YIPF1: variants seen among roughly 807,000 people sequenced by gnomAD.
The protein encoded by YIPF1 is Yip1 domain family member 1.
A neutral mutation model predicts 37.0 loss-of-function variants in YIPF1; 22 were observed. The ratio of observed to expected loss-of-function variants is 0.59; its 90% CI spans 0.42 to 0.85. The LOEUF is 0.85. Ranked by LOEUF, YIPF1 falls within the 40% of genes least tolerant of loss-of-function variation. The pLI, the probability that YIPF1 is intolerant of heterozygous loss-of-function variation, is 0.00. For synonymous variants in YIPF1, 128 were observed against 131.9 expected (o/e 0.97, Z 0.21); for missense variants, 355 against 373.1 (o/e 0.95, Z 0.40).
At chr1:53,886,512 A>T (rs1650655955) in intron 3 of YIPF1, among the ~76,000 whole-genome samples, 1 of 151,646 alleles carries the variant, frequency 6.6e-6, no homozygotes, top group African/African-American at 2.4e-5. Flanking sequence ...CTACTTTTTC[A>T]TCCAATACTA....
Position 53,860,042 on chromosome 1 carries a change from A to G in YIPF1, c.*8+14T>C. 3.1e-6 allele frequency: 5 copies of G among 1,613,252 alleles called. No individual in the cohort carries two copies. Among genetic ancestry groups the G allele is most frequent in the Non-Finnish European group, 4.2e-6 (5 of 1,179,296 alleles). On this transcript the variant is annotated intron_variant, in intron 10 of 10. Coordinates refer to ENST00000072644, the MANE Select transcript of YIPF1 (RefSeq NM_018982.5). ...TATGGCACCACACAGCAAAATAAAA[A>G]TAGAATCTCTTACTTTCCTCATTAG...
chr1:53,876,751 T>A (rs1415154806), intron 6 of YIPF1, among the ~76,000 whole-genome samples: 1 of 152,160 alleles, frequency 6.6e-6, no homozygotes, highest in Non-Finnish European at 1.5e-5. Context: ...AGTATCTCCC[T>A]CATGAAGTTG....
At chr1:53,864,385 C>T (rs1285460152) in intron 9 of YIPF1, among the ~76,000 whole-genome samples, 1 of 152,246 alleles carries the variant, frequency 6.6e-6, no homozygotes, top group Admixed American at 6.5e-5. Flanking sequence ...AACCAACAGG[C>T]CCGCCTTGAG....
chr1:53,866,265 G>A lies in YIPF1; in HGVS notation c.766C>T (p.Arg256Cys), dbSNP rs780910345. The A allele has an allele frequency of 2.2e-5, 35 of 1,614,024 alleles. No individual in the cohort carries two copies. The highest frequency in any genetic ancestry group is 1.1e-4 in the East Asian group (5 of 44,892). ...FWPAVREDNR[R>C]VALATIVTIV... ...GTCACAATTGTGGCCAATGCAACGC[G>A]TCGGTTATCCTCACGAACAGCTGGC... Residue 256 changes from arginine (R) to cysteine (C), a missense_variant, in exon 9 of 11, where the codon CGC becomes TGC. By Grantham distance (180) the Arg-to-Cys change is radical (BLOSUM62 -3). Coordinates refer to ENST00000072644, the MANE Select transcript of YIPF1 (RefSeq NM_018982.5).
chr1:53,886,307 T>C (rs950732750), intron 3 of YIPF1, among the ~76,000 whole-genome samples: 1 of 151,874 alleles, frequency 6.6e-6, no homozygotes, highest in Non-Finnish European at 1.5e-5. Context: ...CGTGTACCCC[T>C]AACATGACGA....
intron 6 of YIPF1, 52 bp downstream of exon 6, chr1:53,878,263 C>T (rs1337154300): frequency 3.8e-6 from 6 of 1,584,226 alleles, no homozygotes; most frequent in Non-Finnish European, 4.3e-6. Flanking sequence ...GCAACCCTCA[C>T]ACTCACCCAA....
chr1:53,873,879 T>C (rs1013884908), intron 6 of YIPF1, among the ~76,000 whole-genome samples: 4 of 152,122 alleles, frequency 2.6e-5, no homozygotes, highest in East Asian at 1.9e-4. Context: ...AAGATATGTA[T>C]ACTAATGTGA....
At chr1:53,866,720 G>C in intron 8 of YIPF1, 38 bp downstream of exon 8, 1 of 1,583,236 alleles carries the variant, frequency 6.3e-7, no homozygotes, top group Non-Finnish European at 8.6e-7. Context: ...CAAGAACAGA[G>C]CATCACTCAG....
In YIPF1 at chr1:53,888,960, A is replaced by G; in HGVS notation, c.-23T>C. On this transcript the variant is annotated 5_prime_UTR_variant, in exon 3 of 11. Transcript: ENST00000072644. ...CATTCGGCCAGTGAGTCTTCTCCCAATTATGAGGAAGAAAATTTGCAGGGT... is the reference window on the plus strand; with the variant it reads ...CATTCGGCCAGTGAGTCTTCTCCCAGTTATGAGGAAGAAAATTTGCAGGGT... 2 of 1,595,638 alleles carry G rather than the reference A, an allele frequency of 1.3e-6. No individual in the cohort carries two copies. The highest frequency in any genetic ancestry group is 8.6e-7 in the Non-Finnish European group (1 of 1,164,996).
At position 53,866,351 on chromosome 1, in the gene YIPF1, C is replaced by A. The variant is rs181794375; in HGVS notation, c.680G>T (p.Arg227Leu). The A allele has an allele frequency of 6.2e-7, 1 of 1,614,024 alleles. No individual in the cohort carries two copies. The highest frequency in any genetic ancestry group is 1.1e-5 in the South Asian group (1 of 91,070). The change falls in exon 9 of 11, where the codon CGT becomes CTT. Residue 227 changes from arginine to leucine, a missense_variant. Coordinates refer to ENST00000072644, the MANE Select transcript of YIPF1 (RefSeq NM_018982.5). Reference sequence around the variant, plus strand: ...CAGGGCAATCATGACTAGAATCCAACGAACAGCTTTCTGGGGGATAATCCA... The same window carrying A: ...CAGGGCAATCATGACTAGAATCCAAAGAACAGCTTTCTGGGGGATAATCCA... ...ILWIIPQKAV[R>L]WILVMIALGI...
rs1239025570 is a variant in YIPF1 at position 53,889,317 on chromosome 1, GGTGATGGGGACA to G, written c.-135_-124del. 10 of 186,112 alleles carry G rather than the reference GGTGATGGGGACA, an allele frequency of 5.4e-5. No homozygotes were observed. In the South Asian group the frequency reaches 1.1e-3, roughly 20 times the overall value. 11.5% of individuals were successfully genotyped at this position (186,112 alleles called of 1,614,324 possible). A position where few individuals can be genotyped will look rare whatever the true frequency, so the allele number is the denominator to read the frequency against. ...GAAGGAGAGGCTGAGGTTTGAAAGA[GGTGATGGGGACA>G]GTGAAGAACAAAGGCAGTTCAGCCT... On this transcript the variant is annotated 5_prime_UTR_variant, in exon 2 of 11. Transcript: ENST00000072644.
intron 6 of YIPF1, among the ~76,000 whole-genome samples, chr1:53,875,216 T>TA (rs1158592079): frequency 1.3e-5 from 2 of 152,150 alleles, no homozygotes; most frequent in East Asian, 1.9e-4. Context: ...AAATCTGACT[T>TA]AGAGTATGTC....
chr1:53,859,997 T>C, intron 10 of YIPF1, 59 bp downstream of exon 10: 1 of 1,554,242 alleles, frequency 6.4e-7, no homozygotes. Context: ...CTAACAGAAT[T>C]GATACACCTG....
At chr1:53,854,995 T>C (rs1649684349) in intron 10 of YIPF1, 1 of 151,498 alleles carries the variant, frequency 6.6e-6, no homozygotes, top group African/African-American at 2.4e-5. Flanking sequence ...AAATAAGTAA[T>C]ACTACCTGGA....
intron 10 of YIPF1, among the ~76,000 whole-genome samples, chr1:53,858,636 T>TATC (rs1195011177): frequency 2.0e-5 from 3 of 152,244 alleles, no homozygotes; most frequent in South Asian, 2.1e-4. Flanking sequence ...GGCTGGGATT[T>TATC]ATCATTATTA....
Position 53,871,059 on chromosome 1 carries a change from C to T in YIPF1, c.481+313G>A, listed in dbSNP as rs193210133. Among the ~76,000 whole-genome samples the T allele has an allele frequency of 3.3e-5, 5 of 149,802 alleles. No individual in the cohort carries two copies. In the East Asian group the frequency reaches 5.9e-4, roughly 18 times the overall value. ...AAAGGAATAAACTGCAGTTGCTATT[C>T]GGCCTTGATTTACAGCTTTCCCAAA... On this transcript the variant is annotated intron_variant, in intron 7 of 10. Transcript: ENST00000072644.
At chr1:53,866,972 G>C in intron 7 of YIPF1, 48 bp from the exon 8 acceptor site, 1 of 1,567,848 alleles carries the variant, frequency 6.4e-7, no homozygotes, top group South Asian at 1.2e-5. Context: ...GCCTTTAGTA[G>C]ACTATCAGAG....
At chr1:53,870,581 A>AC (rs900390206) in intron 7 of YIPF1, among the ~76,000 whole-genome samples, 1 of 151,960 alleles carries the variant, frequency 6.6e-6, no homozygotes, top group Non-Finnish European at 1.5e-5. Flanking sequence ...ATTGCAGATG[A>AC]CCCCAGCTAG....
intron 6 of YIPF1, among the ~76,000 whole-genome samples, chr1:53,873,311 AAAG>A (rs1650242331): frequency 6.6e-6 from 1 of 152,192 alleles, no homozygotes; most frequent in East Asian, 1.9e-4. Flanking sequence ...GCTGGGATCT[AAAG>A]AAGAACAGGA....
Sources: allele counts gnomAD v4.1 joint callset (sites outside exome capture counted in the v4.1 genomes callset), GRCh38; gene constraint gnomAD v4.1.1; transcripts MANE v1.5; gene names NCBI Gene and HGNC (gene_info 2026-07-23, HGNC 2026-07-21).